Variants in EIPR1 observed in about 807,000 individuals in gnomAD.
The protein encoded by EIPR1 is EARP and GARP complex-interacting protein 1.
A neutral mutation model predicts 48.1 loss-of-function variants in EIPR1; 25 were observed. The ratio of observed to expected loss-of-function variants is 0.52; its 90% CI spans 0.38 to 0.73. The LOEUF is 0.73. Ranked by LOEUF, EIPR1 falls within the 30% of genes least tolerant of loss-of-function variation. The pLI is 0.00. For missense variants in EIPR1, 415 were observed against 506.2 expected (o/e 0.82, Z 1.73); for synonymous variants, 204 against 201.9 (o/e 1.01, Z -0.09).
chr2:3,234,456 G>A (rs149121953), intron 4 of EIPR1, among the ~76,000 whole-genome samples: 6 of 152,130 alleles, frequency 3.9e-5, no homozygotes, highest in East Asian at 3.9e-4. Flanking sequence ...GGAGGACATC[G>A]CATCGAGGCT....
At chr2:3,215,136 A>G (rs1415912823) in intron 4 of EIPR1, among the ~76,000 whole-genome samples, 1 of 152,100 alleles carries the variant, frequency 6.6e-6, no homozygotes, top group African/African-American at 2.4e-5. Flanking sequence ...AAGCTAAGAC[A>G]CTCACCAACG....
intron 1 of EIPR1, among the ~76,000 whole-genome samples, chr2:3,359,860 C>T (rs376959662): frequency 2.6e-5 from 4 of 152,184 alleles, no homozygotes; most frequent in Admixed American, 2.0e-4. Flanking sequence ...ATGAAGTGCA[C>T]AGAAGACAGG....
At chr2:3,367,584 G>C (rs1343740353) in intron 1 of EIPR1, among the ~76,000 whole-genome samples, 1 of 152,134 alleles carries the variant, frequency 6.6e-6, no homozygotes, top group Non-Finnish European at 1.5e-5. Flanking sequence ...TAAATGACTC[G>C]TAAACCGAAT....
At chr2:3,339,221 G>A (rs552099825) in intron 2 of EIPR1, among the ~76,000 whole-genome samples, 1 of 152,206 alleles carries the variant, frequency 6.6e-6, no homozygotes, top group African/African-American at 2.4e-5. Flanking sequence ...CAGCAGGTAG[G>A]TACCTGAGTG....
At chr2:3,337,147 A>T (rs1489755802) in intron 3 of EIPR1, among the ~76,000 whole-genome samples, 1 of 152,150 alleles carries the variant, frequency 6.6e-6, no homozygotes, top group East Asian at 1.9e-4. Flanking sequence ...AGGGAAGGGA[A>T]GGGAAAAGGG....
At chr2:3,258,007 G>A (rs959177322) in intron 3 of EIPR1, among the ~76,000 whole-genome samples, 3 of 152,222 alleles carry the variant, frequency 2.0e-5, no homozygotes, top group African/African-American at 7.2e-5. Context: ...GCATGCTGAG[G>A]CCTGGAGCCC....
rs191456909 is a variant in EIPR1, at chr2:3,358,807, C to T, written c.43-4174G>A. Among the ~76,000 whole-genome samples, 5 of 152,266 alleles carry T rather than the reference C, an allele frequency of 3.3e-5. No homozygotes were observed. The East Asian group carries it at 5.8e-4, about 18-fold the overall frequency. ...AGCCCCAGGTCAGGAGAGAGAACAC[C>T]GGGACAGGTCCACCTTCAGACAAGA... On this transcript the variant is annotated intron_variant, in intron 1 of 8. Coordinates refer to ENST00000382125, the MANE Select transcript of EIPR1 (RefSeq NM_003310.5).
At chr2:3,339,766 C>T (rs1197087306) in intron 2 of EIPR1, among the ~76,000 whole-genome samples, 1 of 152,180 alleles carries the variant, frequency 6.6e-6, no homozygotes, top group Non-Finnish European at 1.5e-5. Flanking sequence ...CTGACCACCA[C>T]AGTGAAACCC....
At position 3,280,125 on chromosome 2, in the gene EIPR1, C is replaced by T. The variant is rs1288939004; in HGVS notation, c.260-22670G>A. Among the ~76,000 whole-genome samples the T allele has an allele frequency of 3.9e-5, 6 of 152,308 alleles. No homozygotes were observed. In the East Asian group the frequency reaches 9.6e-4, roughly 24 times the overall value. ...GGATGTGTTGTGGTTTATGCCTTTC[C>T]GATTCTTTAACTGTGAGAAAAAAGG... On this transcript the variant is annotated intron_variant, in intron 3 of 8. Transcript: ENST00000382125.
intron 5 of EIPR1, among the ~76,000 whole-genome samples, chr2:3,205,265 G>A (rs986166717): frequency 2.0e-5 from 3 of 152,196 alleles, no homozygotes; most frequent in Non-Finnish European, 1.5e-5. Flanking sequence ...GGAGGAAACT[G>A]TTCTCGCCAA....
At chr2:3,373,643 A>C (rs555396774) in intron 1 of EIPR1, among the ~76,000 whole-genome samples, 1 of 152,332 alleles carries the variant, frequency 6.6e-6, no homozygotes, top group South Asian at 2.1e-4. Context: ...TTCAAAGAGA[A>C]TAAAATACCT....
intron 4 of EIPR1, among the ~76,000 whole-genome samples, chr2:3,256,038 C>G (rs1667144788): frequency 6.6e-6 from 1 of 152,178 alleles, no homozygotes; most frequent in Non-Finnish European, 1.5e-5. Context: ...CATCTGCCTC[C>G]CCTTACTGTG....
At chr2:3,330,460 G>A (rs1669852281) in intron 3 of EIPR1, among the ~76,000 whole-genome samples, 2 of 152,150 alleles carry the variant, frequency 1.3e-5, no homozygotes, top group South Asian at 4.1e-4. Flanking sequence ...CACACAGAGT[G>A]TCGCCGAGGA....
At chr2:3,269,680 A>C (rs1446758834) in intron 3 of EIPR1, among the ~76,000 whole-genome samples, 3 of 141,372 alleles carry the variant, frequency 2.1e-5, no homozygotes, top group Admixed American at 6.9e-5. Context: ...AATCATCGCA[A>C]TCATCGCACT....
intron 4 of EIPR1, among the ~76,000 whole-genome samples, chr2:3,230,667 G>A (rs373049364): frequency 6.6e-5 from 10 of 152,172 alleles, no homozygotes; most frequent in South Asian, 2.1e-4. Context: ...GACCATATAC[G>A]TGTGAGTTTA....
chr2:3,314,355 G>A (rs1158799644), intron 3 of EIPR1, among the ~76,000 whole-genome samples: 1 of 152,118 alleles, frequency 6.6e-6, no homozygotes, highest in Non-Finnish European at 1.5e-5. Flanking sequence ...TTATACAGCA[G>A]GCTTCACAGT....
At chr2:3,366,777 G>A (rs550264035) in intron 1 of EIPR1, among the ~76,000 whole-genome samples, 48 of 152,292 alleles carry the variant, frequency 3.2e-4, no homozygotes, top group African/African-American at 9.9e-4. Context: ...TCAACTGGCC[G>A]GGCGCGGTGG....
rs1187368989 is a variant in EIPR1 at position 3,377,780 on chromosome 2, G to A, written c.-91C>T. On this transcript the variant is annotated 5_prime_UTR_variant, in exon 1 of 9. Transcript: ENST00000382125. Reference sequence around the variant, plus strand: ...CCCACCTCGCGGGCGTGTTCCCAGCGCCCATTCATTCCCTCCCCGCAGCAA... The same window carrying A: ...CCCACCTCGCGGGCGTGTTCCCAGCACCCATTCATTCCCTCCCCGCAGCAA... The A allele has an allele frequency of 1.4e-6, 2 of 1,473,742 alleles. No homozygotes were observed. Among genetic ancestry groups the A allele is most frequent in the East Asian group, 2.5e-5 (1 of 39,546 alleles). The allele number at this position is 1,473,742 out of a possible 1,614,324, so 91.3% of individuals were successfully genotyped here.
At chr2:3,224,544 G>A (rs1572324027) in intron 4 of EIPR1, among the ~76,000 whole-genome samples, 1 of 152,112 alleles carries the variant, frequency 6.6e-6, no homozygotes, top group African/African-American at 2.4e-5. Flanking sequence ...CTGCTGCAGG[G>A]CCCCATGATC....
Sources: allele counts gnomAD v4.1 joint callset (sites outside exome capture counted in the v4.1 genomes callset), GRCh38; gene constraint gnomAD v4.1.1; transcripts MANE v1.5; gene names NCBI Gene and HGNC (gene_info 2026-07-23, HGNC 2026-07-21).